Variants in RABEP1 observed in about 807,000 individuals in gnomAD.
RABEP1 encodes rabaptin, RAB GTPase binding effector protein 1.
A neutral mutation model predicts 123.4 loss-of-function variants in RABEP1; 51 were observed. That is an observed-to-expected ratio of 0.41 (90% CI 0.33 to 0.52). The LOEUF (loss-of-function observed/expected upper bound fraction) is 0.52. Among genes scored for constraint, RABEP1 ranks in the 20% least tolerant of loss-of-function variants. RABEP1 has a pLI of 0.16. For synonymous variants in RABEP1, 347 were observed against 355.2 expected (o/e 0.98, Z 0.26); for missense variants, 888 against 996.3 (o/e 0.89, Z 1.46).
At chr17:5,319,467 A>G (rs969395291) in intron 2 of RABEP1, among the ~76,000 whole-genome samples, 1 of 151,866 alleles carries the variant, frequency 6.6e-6, no homozygotes, top group Admixed American at 6.6e-5. Flanking sequence ...CCCAGGTTCA[A>G]GTGATTTTCC....
intron 1 of RABEP1, among the ~76,000 whole-genome samples, chr17:5,282,735 A>G (rs2074939389): frequency 1.4e-5 from 2 of 148,042 alleles, no homozygotes; most frequent in Non-Finnish European, 3.0e-5. Flanking sequence ...GCGCGGGTGC[A>G]GCGCTTGCGG....
intron 8 of RABEP1, among the ~76,000 whole-genome samples, chr17:5,359,510 C>T (rs1450748619): frequency 6.6e-6 from 1 of 152,010 alleles, no homozygotes; most frequent in Non-Finnish European, 1.5e-5. Context: ...TGGCTTATCC[C>T]AGTTTTTATT....
chr17:5,317,626 G>GATATATATATATATATATATAT (rs56165368), intron 2 of RABEP1, among the ~76,000 whole-genome samples: 32 of 149,596 alleles, frequency 2.1e-4, no homozygotes, highest in African/African-American at 3.9e-4. Flanking sequence ...TACTGGAAAG[G>GATATATATATATATATATATAT]ATATATATAT....
chr17:5,357,777 C>T (rs1358971207), intron 8 of RABEP1, among the ~76,000 whole-genome samples: 1 of 152,116 alleles, frequency 6.6e-6, no homozygotes, highest in South Asian at 2.1e-4. Context: ...AGCAGAGGTA[C>T]AGCACACCTT....
intron 2 of RABEP1, among the ~76,000 whole-genome samples, chr17:5,324,163 T>C (rs1209669687): frequency 3.3e-5 from 5 of 152,044 alleles, no homozygotes; most frequent in African/African-American, 1.2e-4. Flanking sequence ...GCTGGAGGAA[T>C]CACACTATAT....
intron 2 of RABEP1, among the ~76,000 whole-genome samples, chr17:5,326,733 G>A (rs997331349): frequency 1.3e-5 from 2 of 152,090 alleles, no homozygotes; most frequent in Non-Finnish European, 2.9e-5. Context: ...ATGTACAGGG[G>A]TGTGGGGCAT....
intron 1 of RABEP1, among the ~76,000 whole-genome samples, chr17:5,293,819 CT>C (rs1262449275): frequency 6.6e-6 from 1 of 152,176 alleles, no homozygotes; most frequent in Non-Finnish European, 1.5e-5. Flanking sequence ...TAGATAGCTG[CT>C]CATAACTTAT....
intron 12 of RABEP1, among the ~76,000 whole-genome samples, chr17:5,372,441 A>C (rs1410711038): frequency 6.6e-6 from 1 of 152,144 alleles, no homozygotes; most frequent in Non-Finnish European, 1.5e-5. Flanking sequence ...ACAGAGCGAG[A>C]CTGTCTCAAA....
rs1597371535 is a variant in RABEP1, at chr17:5,342,617, G to C, written c.649-4173G>C. ...CGAGACTCTGTCTCACACACACACA[G>C]CATTATAAAGTAGACATTGTATCCC... On this transcript the variant is annotated intron_variant, in intron 5 of 17. Transcript: ENST00000537505. Among the ~76,000 whole-genome samples, 3 of 152,108 alleles carry C rather than the reference G, an allele frequency of 2.0e-5. 1 individual carries two copies. Among genetic ancestry groups the C allele is most frequent in the Admixed American group, 2.0e-4 (3 of 15,258 alleles).
intron 12 of RABEP1, among the ~76,000 whole-genome samples, chr17:5,370,744 G>A (rs1910460571): frequency 6.6e-6 from 1 of 152,142 alleles, no homozygotes; most frequent in Non-Finnish European, 1.5e-5. Context: ...TGTTAAATTT[G>A]ATCACTCGGT....
chr17:5,384,386 G>C lies in RABEP1; in HGVS notation c.*1163G>C, dbSNP rs1043356312. On this transcript the variant is annotated 3_prime_UTR_variant, in exon 18 of 18. Coordinates refer to ENST00000537505, the MANE Select transcript of RABEP1 (RefSeq NM_004703.6). The stretch of plus-strand genomic sequence containing the variant: ...TCATGTTCATCAATACCTGCTGAGA[G>C]TACTGTCCCAGGAATATCCAGTGGA... The C allele has an allele frequency of 2.8e-5, 6 of 212,854 alleles. No homozygotes were observed. The highest frequency in any genetic ancestry group is 1.4e-4 in the African/African-American group (6 of 44,208). 13.2% of individuals were successfully genotyped at this position (212,854 alleles called of 1,614,324 possible). A position where few individuals can be genotyped will look rare whatever the true frequency, so the allele number is the denominator to read the frequency against.
intron 2 of RABEP1, among the ~76,000 whole-genome samples, chr17:5,316,398 C>T (rs565571862): frequency 7.6e-5 from 9 of 117,748 alleles, no homozygotes; most frequent in Admixed American, 1.3e-4. Flanking sequence ...TGCAGTGAGC[C>T]GAGATCTTGC....
At chr17:5,340,077 A>C (rs1037853366) in intron 5 of RABEP1, among the ~76,000 whole-genome samples, 3 of 152,240 alleles carry the variant, frequency 2.0e-5, no homozygotes, top group Non-Finnish European at 2.9e-5. Flanking sequence ...ATAGTAGCAG[A>C]TTAAAATTGA....
In RABEP1 at chr17:5,323,696, C is replaced by CTAGGAATATATATATATATA. The variant is rs1482256149; in HGVS notation, c.164-8252_164-8251insAGGAATATATATATATATAT. On this transcript the variant is annotated intron_variant, in intron 2 of 17. Coordinates refer to ENST00000537505, the MANE Select transcript of RABEP1 (RefSeq NM_004703.6). Reference sequence around the variant, plus strand: ...ATTGGTGATATATATATATATCTCTCTCTAGGAATATATATATATATCTAG... The same window carrying CTAGGAATATATATATATATA: ...ATTGGTGATATATATATATATCTCTCTAGGAATATATATATATATATCTAGGAATATATATATATATCTAG... 7.5e-4 allele frequency among the ~76,000 whole-genome samples: 76 copies of CTAGGAATATATATATATATA among 101,664 alleles called. 11 individuals carry two copies. The highest frequency in any genetic ancestry group is 1.8e-3 in the African/African-American group (37 of 20,086). The allele number at this position is 101,664 out of a possible 152,430, so 66.7% of individuals were successfully genotyped here.
intron 1 of RABEP1, among the ~76,000 whole-genome samples, chr17:5,296,057 G>A (rs1170329060): frequency 2.0e-5 from 3 of 152,028 alleles, no homozygotes; most frequent in Non-Finnish European, 4.4e-5. Flanking sequence ...AGGTCTTTTT[G>A]ATGTGTTTAA....
At position 5,350,584 on chromosome 17, in the gene RABEP1, T is replaced by A. The variant is rs1397677448; in HGVS notation, c.918T>A (p.Thr306=). 1 of 1,614,052 alleles carries A rather than the reference T, an allele frequency of 6.2e-7. No individual in the cohort carries two copies. Among genetic ancestry groups the A allele is most frequent in the South Asian group, 1.1e-5 (1 of 91,034 alleles). Reference sequence around the variant, plus strand: ...TGCAGCGAATGGAGATTGTGCTAACTTCAGAACAGCTCCGACAAGTTGAAG... The same window carrying A: ...TGCAGCGAATGGAGATTGTGCTAACATCAGAACAGCTCCGACAAGTTGAAG... ...RDMQRMEIVL[T]SEQLRQVEEL... is the part of the protein sequence containing the mutation. Residue 306 remains threonine (T), a synonymous_variant, in exon 7 of 18, where the codon ACT becomes ACA. Coordinates refer to ENST00000537505, the MANE Select transcript of RABEP1 (RefSeq NM_004703.6).
chr17:5,319,138 T>C (rs956600086), intron 2 of RABEP1, among the ~76,000 whole-genome samples: 1 of 151,900 alleles, frequency 6.6e-6, no homozygotes, highest in African/African-American at 2.4e-5. Context: ...CAGACCATCC[T>C]GGCCAACATG....
At chr17:5,299,511 G>A (rs141610838) in intron 1 of RABEP1, among the ~76,000 whole-genome samples, 7 of 151,614 alleles carry the variant, frequency 4.6e-5, no homozygotes, top group African/African-American at 1.4e-4. Flanking sequence ...GGTACTGAGC[G>A]GTAAGCTAAT....
At position 5,294,797 on chromosome 17, in the gene RABEP1, G is replaced by A. The variant is rs55992725; in HGVS notation, c.34+12277G>A. Among the ~76,000 whole-genome samples the A allele has an allele frequency of 1.5e-4, 22 of 151,096 alleles. No individual in the cohort carries two copies. In the East Asian group the frequency reaches 2.6e-3, roughly 18 times the overall value. On this transcript the variant is annotated intron_variant, in intron 1 of 17. Transcript: ENST00000537505. ...CGAGTAGCTGGGACTACAGGCGCCT[G>A]CCACCACGCCAGGCTAATTTTTGTA...
Sources: gnomAD v4.1 joint callset for allele counts (sites outside exome capture counted in the v4.1 genomes callset) on GRCh38, gnomAD v4.1.1 for gene constraint, MANE v1.5 for transcripts, NCBI Gene and HGNC (gene_info 2026-07-23, HGNC 2026-07-21) for gene names.